The following MYO5A variants were observed in gnomAD, a reference collection of about 807,000 sequenced individuals.
The protein encoded by MYO5A is unconventional myosin-Va.
A neutral mutation model predicts 249.7 loss-of-function variants in MYO5A; 98 were observed. The ratio of observed to expected loss-of-function variants is 0.39; its 90% confidence interval spans 0.33 to 0.46. The LOEUF (loss-of-function observed/expected upper bound fraction) is 0.46. Among genes scored for constraint, MYO5A ranks in the 20% least tolerant of loss-of-function variants. The probability of loss-of-function intolerance (pLI) is 0.98; values close to 1 mark genes in which losing one functional copy is unlikely to be tolerated. For synonymous variants in MYO5A, 778 were observed against 810.6 expected, an observed-to-expected ratio of 0.96 and a Z score of 0.68; for missense variants, 1,696 against 2,308.8, an observed-to-expected ratio of 0.73 and a Z score of 5.44.
At chr15:52,417,549 T>C (rs958204857) in intron 4 of MYO5A, among the ~76,000 whole-genome samples, 1 of 152,102 alleles carries the variant, frequency 6.6e-6, no homozygotes, top group South Asian at 2.1e-4. Flanking sequence ...GATGTTGTGG[T>C]TTGAATGTTC....
intron 20 of MYO5A, 144 bp from the exon 21 acceptor site, chr15:52,372,507 TATC>T (rs1394966522): frequency 7.1e-6 from 8 of 1,130,826 alleles, no homozygotes; most frequent in Non-Finnish European, 1.0e-5. Flanking sequence ...AGATTATACT[TATC>T]ACAGATATAT....
intron 5 of MYO5A, among the ~76,000 whole-genome samples, chr15:52,410,716 T>C (rs2043210776): frequency 6.6e-6 from 1 of 151,916 alleles, no homozygotes; most frequent in South Asian, 2.1e-4. Context: ...CCTCTGGGAT[T>C]ACAGGCACAT....
intron 1 of MYO5A, among the ~76,000 whole-genome samples, chr15:52,485,259 T>TAAA (rs72085613): frequency 1.7e-4 from 17 of 102,756 alleles, no homozygotes; most frequent in East Asian, 2.7e-4. Flanking sequence ...ATTCACTATG[T>TAAA]AAAAAAAAAA....
intron 30 of MYO5A, among the ~76,000 whole-genome samples, chr15:52,345,864 C>A (rs1336561325): frequency 6.6e-6 from 1 of 152,132 alleles, no homozygotes; most frequent in African/African-American, 2.4e-5. Flanking sequence ...AGGGGAATTC[C>A]AGATATGAGC....
At chr15:52,502,122 A>G (rs929651332) in intron 1 of MYO5A, among the ~76,000 whole-genome samples, 1 of 152,120 alleles carries the variant, frequency 6.6e-6, no homozygotes, top group Non-Finnish European at 1.5e-5. Context: ...GTCTCTACTA[A>G]AAATATAAAA....
At chr15:52,336,337 G>T in intron 34 of MYO5A, 126 bp downstream of exon 34, 1 of 668,914 alleles carries the variant, frequency 1.5e-6, no homozygotes. Context: ...TTTGCCAAAA[G>T]TCATATTTTG....
At position 52,309,361 on chromosome 15, in the gene MYO5A, G is replaced by A. The variant is rs2037709490; in HGVS notation, c.*4335C>T. On this transcript the variant is annotated 3_prime_UTR_variant, in exon 42 of 42. Transcript: ENST00000399233. ...TGAGCACTTGGTCTCCTTAAAACAA[G>A]TAACTTGGTACGCAGCACTTGCTCG... The A allele has an allele frequency of 6.6e-6, 1 of 152,204 alleles. No homozygotes were observed. Among genetic ancestry groups the A allele is most frequent in the East Asian group, 1.9e-4 (1 of 5,202 alleles). The allele number at this position is 152,204 out of a possible 1,614,324, so 9.4% of individuals were successfully genotyped here. A position where few individuals can be genotyped will look rare whatever the true frequency, so the allele number is the denominator to read the frequency against.
At chr15:52,367,638 G>A (rs1347030645) in intron 22 of MYO5A, among the ~76,000 whole-genome samples, 1 of 152,082 alleles carries the variant, frequency 6.6e-6, no homozygotes, top group East Asian at 1.9e-4. Context: ...AAGGATATGA[G>A]GATGTTTAGT....
chr15:52,357,429 G>A (rs1359734147), intron 25 of MYO5A, among the ~76,000 whole-genome samples: 3 of 148,728 alleles, frequency 2.0e-5, no homozygotes, highest in Non-Finnish European at 3.0e-5. Flanking sequence ...AAAATGGGAT[G>A]GTGTTTTGAT....
intron 4 of MYO5A, among the ~76,000 whole-genome samples, chr15:52,420,721 A>G (rs2043746840): frequency 1.3e-5 from 2 of 152,354 alleles, no homozygotes; most frequent in South Asian, 4.1e-4. Flanking sequence ...TGAAGTATAA[A>G]TATAAATCAG....
chr15:52,485,081 G>C (rs973082333), intron 1 of MYO5A, among the ~76,000 whole-genome samples: 2 of 151,990 alleles, frequency 1.3e-5, no homozygotes, highest in Non-Finnish European at 2.9e-5. Flanking sequence ...AAAACAGTAA[G>C]GCAGAGTTAA....
chr15:52,399,033 G>A (rs2042619695), intron 9 of MYO5A, among the ~76,000 whole-genome samples: 3 of 151,412 alleles, frequency 2.0e-5, no homozygotes, highest in Admixed American at 2.0e-4. Context: ...AAAAAAGGTG[G>A]GTCAGCACTC....
rs1464736146 is a variant in MYO5A, at chr15:52,327,886, G to A, written c.4676C>T (p.Thr1559Ile). The A allele has an allele frequency of 6.2e-7, 1 of 1,613,928 alleles. No homozygotes were observed. Among genetic ancestry groups the A allele is most frequent in the East Asian group, 2.2e-5 (1 of 44,868 alleles). ...TTTTTTGATGCTGTTAATTGTTGAT[G>A]TTAGCAACGACCTTACTTTCTGATC... ...NDDQKVRSLL[T>I]STINSIKKVL... Residue 1559 changes from threonine to isoleucine, a missense_variant, in exon 36 of 42, where the codon ACA becomes ATA. Thr to Ile is a moderately conservative substitution (Grantham distance 89). This residue lies in a region of MYO5A where 625 missense variants were observed against 908.1 expected (regional missense o/e 0.69). Coordinates refer to ENST00000399233, the MANE Select transcript of MYO5A (RefSeq NM_001382347.1).
intron 1 of MYO5A, among the ~76,000 whole-genome samples, chr15:52,438,646 A>C (rs1221568439): frequency 1.3e-5 from 2 of 152,234 alleles, no homozygotes; most frequent in East Asian, 3.8e-4. Context: ...AGGCAAAAAC[A>C]GGAGGTAAAG....
chr15:52,465,135 C>T (rs569669780), intron 1 of MYO5A, among the ~76,000 whole-genome samples: 6 of 152,234 alleles, frequency 3.9e-5, no homozygotes, highest in African/African-American at 9.6e-5. Context: ...AAGATTATTA[C>T]GGAATTCTAT....
chr15:52,404,120 C>T (rs1490974096), intron 9 of MYO5A, among the ~76,000 whole-genome samples: 4 of 152,080 alleles, frequency 2.6e-5, no homozygotes, highest in Non-Finnish European at 2.9e-5. Flanking sequence ...AAAAAATTAG[C>T]TGGGCATGGT....
intron 5 of MYO5A, among the ~76,000 whole-genome samples, chr15:52,414,167 T>C (rs2043371930): frequency 6.6e-6 from 1 of 152,150 alleles, no homozygotes; most frequent in Non-Finnish European, 1.5e-5. Context: ...TGGGTTGTTA[T>C]GAAGTCGGGA....
intron 9 of MYO5A, among the ~76,000 whole-genome samples, chr15:52,401,132 G>A (rs4774623): frequency 0.16 from 23,645 of 148,568 alleles, 1,908 homozygotes; most frequent in Middle Eastern, 0.23. Flanking sequence ...GTGCAGTGGC[G>A]CGATCTTGGC....
chr15:52,384,265 C>T lies in MYO5A; in HGVS notation c.1810G>A (p.Ala604Thr). 1 of 1,614,192 alleles carries T rather than the reference C, an allele frequency of 6.2e-7. No individual in the cohort carries two copies. The highest frequency in any genetic ancestry group is 8.5e-7 in the Non-Finnish European group (1 of 1,180,014). The stretch of plus-strand genomic sequence containing the variant: ...AGGGGTGTGCGCCCTGAGGAGGTGG[C>T]TGAAGTTGGACTGATGGCCTTCTCA... ...DDEKAISPTS[A>T]TSSGRTPLTR... The change falls in exon 15 of 42, where the codon GCC (alanine) becomes ACC (threonine). Residue 604 changes from alanine (A) to threonine (T), a missense_variant. By Grantham distance (58) the Ala-to-Thr change is moderately conservative. Around this residue, in one of 5 missense-constraint regions of MYO5A, gnomAD observed 277 missense variants for 422.4 expected, o/e 0.66. Coordinates refer to ENST00000399233, the MANE Select transcript of MYO5A (RefSeq NM_001382347.1).
Sources: gnomAD v4.1 joint callset for allele counts (sites outside exome capture counted in the v4.1 genomes callset) on GRCh38, gnomAD v4.1.1 for gene constraint, gnomAD v4.1.1 regional missense constraint, MANE v1.5 for transcripts, NCBI Gene and HGNC (gene_info 2026-07-23, HGNC 2026-07-21) for gene names.